CASKIN2: variants seen among roughly 807,000 people sequenced by gnomAD.
CASKIN2 encodes the protein caskin-2.
In CASKIN2, 41 loss-of-function variants were observed where a neutral mutation model predicts 107.1. The ratio of observed to expected loss-of-function variants is 0.38; its 90% CI spans 0.30 to 0.50. CASKIN2 has a LOEUF of 0.50. Ranked by LOEUF, CASKIN2 falls within the 20% of genes least tolerant of loss-of-function variation. CASKIN2 has a pLI of 0.92. For missense variants in CASKIN2, 1,546 were observed against 1,657.4 expected (o/e 0.93, Z 1.17); for synonymous variants, 724 against 705.6 (o/e 1.03, Z -0.41).
In CASKIN2 at chr17:75,505,327, T is replaced by C; in HGVS notation, c.930+230A>G. On this transcript the variant is annotated intron_variant, in intron 10 of 19. Coordinates refer to ENST00000321617, the MANE Select transcript of CASKIN2 (RefSeq NM_020753.5). The surrounding 1 kb of genome is among the most constrained non-coding windows in gnomAD (Gnocchi z 5.1). The stretch of plus-strand genomic sequence containing the variant: ...ACAGCTCCACTACTTGCTAGCTGTG[T>C]GACCTTGGGCAAGTCACTTGAATTT... The C allele has an allele frequency of 1.6e-6, 1 of 626,364 alleles. No homozygotes were observed. Among genetic ancestry groups the C allele is most frequent in the Non-Finnish European group, 2.8e-6 (1 of 358,394 alleles). The allele number at this position is 626,364 out of a possible 1,614,324, so 38.8% of individuals were successfully genotyped here.
In CASKIN2 at chr17:75,502,242, G is replaced by A. The variant is rs2053203528; in HGVS notation, c.2832C>T (p.Gly944=). 2.6e-6 allele frequency: 4 copies of A among 1,566,332 alleles called. No homozygotes were observed. The highest frequency in any genetic ancestry group is 2.3e-5 in the East Asian group (1 of 44,236). ...CAAACGGCAGCCCTTCCCCAGAGCT[G>A]CCCCGAGATGGGGGCGTCCCCTCAG... ...PGPEGTPPSR[G]SSGEGLPFAE... Residue 944 remains glycine, a synonymous_variant, in exon 18 of 20, where the codon GGC becomes GGT. Transcript: ENST00000321617. The surrounding 1 kb of genome is among the most constrained non-coding windows in gnomAD (Gnocchi z 4.3).
In CASKIN2 at chr17:75,506,927, G is replaced by A. The variant is rs1218182613; in HGVS notation, c.391-33C>T. On this transcript the variant is annotated intron_variant, in intron 5 of 19. Coordinates refer to ENST00000321617, the MANE Select transcript of CASKIN2 (RefSeq NM_020753.5). The surrounding 1 kb of genome is among the most constrained non-coding windows in gnomAD (Gnocchi z 4.8). ...TGGGGGAGCCGAGTGAGGGGGCCTGGCCTGTCCGGCACCCCACCCTGCCCT... is the reference window on the plus strand; with the variant it reads ...TGGGGGAGCCGAGTGAGGGGGCCTGACCTGTCCGGCACCCCACCCTGCCCT... 6.2e-7 allele frequency: 1 copy of A among 1,611,842 alleles called. No homozygotes were observed. The highest frequency in any genetic ancestry group is 1.3e-5 in the African/African-American group (1 of 74,878).
rs770131521 is a variant in CASKIN2, at chr17:75,501,815, C to T, written c.3259G>A (p.Ala1087Thr). Reference sequence around the variant, plus strand: ...ACCTTGAGGAGGGCAGCAGGGGCGGCCGGGGGTTCTGTCTCCCCATTCCAC... The same window carrying T: ...ACCTTGAGGAGGGCAGCAGGGGCGGTCGGGGGTTCTGTCTCCCCATTCCAC... The part of the protein sequence containing the change: ...SRWNGETEPP[A>T]APAALLKVPG... Residue 1087 changes from alanine (A) to threonine (T), a missense_variant, in exon 18 of 20, where the codon GCC becomes ACC. Transcript: ENST00000321617. 4 of 1,547,910 alleles carry T rather than the reference C, an allele frequency of 2.6e-6. No individual in the cohort carries two copies. The South Asian group carries it at 3.8e-5, about 15-fold the overall frequency.
At position 75,502,386 on chromosome 17, in the gene CASKIN2, C is replaced by G; in HGVS notation, c.2688G>C (p.Lys896Asn). 6.8e-7 allele frequency: 1 copy of G among 1,479,172 alleles called. No individual in the cohort carries two copies. The highest frequency in any genetic ancestry group is 9.0e-7 in the Non-Finnish European group (1 of 1,116,942). 91.6% of individuals were successfully genotyped at this position (1,479,172 alleles called of 1,614,324 possible). ...PPPLDESPGP[K>N]EGATGPRRRT... ...GCCTTCGGGGCCCTGTGGCCCCTTC[C>G]TTGGGCCCTGGGCTCTCATCTAGTG... The change falls in exon 18 of 20, where the codon AAG becomes AAC. Residue 896 changes from lysine to asparagine, a missense_variant. Lys to Asn is a moderately conservative substitution (Grantham distance 94, BLOSUM62 0). Coordinates refer to ENST00000321617, the MANE Select transcript of CASKIN2 (RefSeq NM_020753.5). This position sits in a 1 kb window ranked among gnomAD's most constrained non-coding sequence, Gnocchi z 4.3.
rs376422585 is a variant in CASKIN2, at chr17:75,503,890, C to T, written c.1540G>A (p.Gly514Ser). Residue 514 changes from glycine to serine, a missense_variant, in exon 15 of 20, where the codon GGC becomes AGC. Physicochemically the swap from Gly to Ser is moderately conservative, Grantham distance 56. Transcript: ENST00000321617. ...CGGCTGATGGTAGGCACATCATAGCCGGCCTGCAGAAAGTGGGCAGTGTAG... is the reference window on the plus strand; with the variant it reads ...CGGCTGATGGTAGGCACATCATAGCTGGCCTGCAGAAAGTGGGCAGTGTAG... The part of the protein sequence containing the change: ...EGYTAHFLQA[G>S]YDVPTISRMT... 10 of 1,612,824 alleles carry T rather than the reference C, an allele frequency of 6.2e-6. No homozygotes were observed. Among genetic ancestry groups the T allele is most frequent in the Admixed American group, 1.7e-5 (1 of 60,010 alleles).
chr17:75,507,288 G>A (rs143097198), intron 4 of CASKIN2, among the ~76,000 whole-genome samples, 159 bp from the exon 5 acceptor site: 135 of 151,188 alleles, frequency 8.9e-4, no homozygotes, highest in Non-Finnish European at 1.7e-3. Flanking sequence ...GGTTCGGCTC[G>A]ACAGGGCTGA....
In CASKIN2 at chr17:75,506,442, A is replaced by C; in HGVS notation, c.618-29T>G. 7.4e-7 allele frequency: 1 copy of C among 1,351,658 alleles called. No individual in the cohort carries two copies. Among genetic ancestry groups the C allele is most frequent in the Non-Finnish European group, 9.9e-7 (1 of 1,010,034 alleles). 83.7% of individuals were successfully genotyped at this position (1,351,658 alleles called of 1,614,324 possible). ...CAGTGGACGGGGGGAGTCACGGGGG[A>C]GGTGGCGTAGGAGGGGGTGCTGACT... On this transcript the variant is annotated intron_variant, in intron 7 of 19. Coordinates refer to ENST00000321617, the MANE Select transcript of CASKIN2 (RefSeq NM_020753.5). The surrounding 1 kb of genome is among the most constrained non-coding windows in gnomAD (Gnocchi z 4.8).
chr17:75,500,481 T>A lies in CASKIN2; in HGVS notation c.*599A>T, dbSNP rs2053159570. ...ATTTCTCTCTGCTTAGAAAATAACATTTACAATTGAAAAGTTAGGACTTGT... is the reference window on the plus strand; with the variant it reads ...ATTTCTCTCTGCTTAGAAAATAACAATTACAATTGAAAAGTTAGGACTTGT... On this transcript the variant is annotated 3_prime_UTR_variant, in exon 20 of 20. Transcript: ENST00000321617. 6.5e-6 allele frequency: 1 copy of A among 153,282 alleles called. No individual in the cohort carries two copies. The allele number at this position is 153,282 out of a possible 1,614,324, so 9.5% of individuals were successfully genotyped here.
At position 75,505,086 on chromosome 17, in the gene CASKIN2, G is replaced by T; in HGVS notation, c.931-13C>A. ...GCTGTTCTAGCACCTGCGGCCAGGG[G>T]TGGGGGGCGGGGACGGTCACTCCCA... On this transcript the variant is annotated splice_polypyrimidine_tract_variant and intron_variant, in intron 10 of 19. Transcript: ENST00000321617. This position sits in a 1 kb window ranked among gnomAD's most constrained non-coding sequence, Gnocchi z 5.1. The T allele has an allele frequency of 7.6e-7, 1 of 1,309,408 alleles. No individual in the cohort carries two copies. 81.1% of individuals were successfully genotyped at this position (1,309,408 alleles called of 1,614,324 possible). A position where few individuals can be genotyped will look rare whatever the true frequency, so the allele number is the denominator to read the frequency against.
rs750180198 is a variant in CASKIN2 at position 75,502,962 on chromosome 17, G to C, written c.2112C>G (p.Arg704=). The change falls in exon 18 of 20, where the codon CGC becomes CGG. Residue 704 remains arginine, a synonymous_variant. Transcript: ENST00000321617. The surrounding 1 kb of genome is among the most constrained non-coding windows in gnomAD (Gnocchi z 4.3). ...CCTGTGAGTGGCCAGACCCCCGTGA[G>C]CGTGCCCCGATGCTCTCCTGGCTGG... ...RSPSQESIGA[R]SRGSGHSQEQ... The C allele has an allele frequency of 1.3e-6, 2 of 1,594,576 alleles. No individual in the cohort carries two copies. Among genetic ancestry groups the C allele is most frequent in the Admixed American group, 3.4e-5 (2 of 58,864 alleles).
In CASKIN2 at chr17:75,502,285, T is replaced by A. The variant is rs2146980589; in HGVS notation, c.2789A>T (p.Glu930Val). The part of the protein sequence containing the change: ...PAPAGPASDT[E>V]EEEPGPEGTP... ...CCCCTCAGGGCCTGGCTCCTCCTCC[T>A]CCGTGTCTGACGCGGGCCCAGCCGG... The change falls in exon 18 of 20, where the codon GAG becomes GTG. Residue 930 changes from glutamate (E) to valine (V), a missense_variant. Physicochemically the swap from Glu to Val is moderately radical, Grantham distance 121. This residue lies in a region of CASKIN2 where 1,311 missense variants were observed against 1,311.0 expected (regional missense o/e 1.00). Coordinates refer to ENST00000321617, the MANE Select transcript of CASKIN2 (RefSeq NM_020753.5). This position sits in a 1 kb window ranked among gnomAD's most constrained non-coding sequence, Gnocchi z 4.3. 6.6e-7 allele frequency: 1 copy of A among 1,511,712 alleles called. No individual in the cohort carries two copies. Among genetic ancestry groups the A allele is most frequent in the East Asian group, 2.3e-5 (1 of 43,256 alleles). 93.6% of individuals were successfully genotyped at this position (1,511,712 alleles called of 1,614,324 possible).
At chr17:75,511,719 T>C (rs1374070322) in intron 2 of CASKIN2, among the ~76,000 whole-genome samples, 1 of 151,994 alleles carries the variant, frequency 6.6e-6, no homozygotes, top group African/African-American at 2.4e-5. Flanking sequence ...CAGGGTGAAT[T>C]CTCCACTTTG....
chr17:75,506,041 A>G lies in CASKIN2; in HGVS notation c.727-112T>C. 1.1e-6 allele frequency: 1 copy of G among 881,676 alleles called. No individual in the cohort carries two copies. Among genetic ancestry groups the G allele is most frequent in the South Asian group, 1.6e-5 (1 of 61,658 alleles). 54.6% of individuals were successfully genotyped at this position (881,676 alleles called of 1,614,324 possible). A position where few individuals can be genotyped will look rare whatever the true frequency, so the allele number is the denominator to read the frequency against. ...TTACCATTTTCCGATTTTACAGATGAGGACATAGAGGCTCAGGGACTCAGT... is the reference window on the plus strand; with the variant it reads ...TTACCATTTTCCGATTTTACAGATGGGGACATAGAGGCTCAGGGACTCAGT... On this transcript the variant is annotated intron_variant, in intron 8 of 19. Transcript: ENST00000321617. The surrounding 1 kb of genome is among the most constrained non-coding windows in gnomAD (Gnocchi z 4.8).
intron 2 of CASKIN2, chr17:75,509,712 C>G: frequency 1.0e-6 from 1 of 985,434 alleles, no homozygotes; most frequent in Non-Finnish European, 1.2e-6. Context: ...GTGACCCTGG[C>G]CTGCCACGGT....
rs2146990283 is a variant in CASKIN2, at chr17:75,506,906, G to A, written c.391-12C>T. 2 of 1,611,436 alleles carry A rather than the reference G, an allele frequency of 1.2e-6. No homozygotes were observed. Among genetic ancestry groups the A allele is most frequent in the Non-Finnish European group, 1.7e-6 (2 of 1,178,766 alleles). On this transcript the variant is annotated splice_polypyrimidine_tract_variant and intron_variant, in intron 5 of 19. Coordinates refer to ENST00000321617, the MANE Select transcript of CASKIN2 (RefSeq NM_020753.5). The surrounding 1 kb of genome is among the most constrained non-coding windows in gnomAD (Gnocchi z 4.8). ...AGGAGCATTTCTGACTGGGGTTGGGGGAGCCGAGTGAGGGGGCCTGGCCTG... is the reference window on the plus strand; with the variant it reads ...AGGAGCATTTCTGACTGGGGTTGGGAGAGCCGAGTGAGGGGGCCTGGCCTG...
rs756845208 is a variant in CASKIN2, at chr17:75,505,813, G to A, written c.835+8C>T. ...CCCCCTGGGCAGGGTATCCTCCCCC[G>A]CACTCACCCCGCAGTAGCTGCTTGA... On this transcript the variant is annotated splice_region_variant and intron_variant, in intron 9 of 19. Transcript: ENST00000321617. This position sits in a 1 kb window ranked among gnomAD's most constrained non-coding sequence, Gnocchi z 5.1. 32 of 1,610,672 alleles carry A rather than the reference G, an allele frequency of 2.0e-5. No homozygotes were observed. The highest frequency in any genetic ancestry group is 1.6e-4 in the East Asian group (7 of 44,802).
intron 3 of CASKIN2, among the ~76,000 whole-genome samples, 170 bp downstream of exon 3, chr17:75,508,064 C>T (rs1389101189): frequency 6.6e-6 from 1 of 152,164 alleles, no homozygotes; most frequent in Non-Finnish European, 1.5e-5. Flanking sequence ...CGGGTGCCCC[C>T]TCCCTCCAGC....
Position 75,504,884 on chromosome 17 carries a change from G to A in CASKIN2, c.1120C>T (p.Pro374Ser). Reference protein sequence around the residue: ...RPGFSRTPQPPAEEPPHPLTY... With the variant: ...RPGFSRTPQPSAEEPPHPLTY... ...AGAGGGTGCGGGGGTTCTTCGGCAG[G>A]AGGCTGCGGTGTCCGGGAGAAGCCT... The change falls in exon 11 of 20, where the codon CCT (proline) becomes TCT (serine). Residue 374 changes from proline to serine, a missense_variant. By Grantham distance (74) the Pro-to-Ser change is moderately conservative. Around this residue, in one of 6 missense-constraint regions of CASKIN2, gnomAD observed 1,311 missense variants for 1,311.0 expected, o/e 1.00. Coordinates refer to ENST00000321617, the MANE Select transcript of CASKIN2 (RefSeq NM_020753.5). 6.2e-7 allele frequency: 1 copy of A among 1,610,944 alleles called. No individual in the cohort carries two copies. The highest frequency in any genetic ancestry group is 8.5e-7 in the Non-Finnish European group (1 of 1,178,962).
Position 75,501,998 on chromosome 17 carries a change from T to A in CASKIN2, c.3076A>T (p.Thr1026Ser), listed in dbSNP as rs1448195025. The A allele has an allele frequency of 1.5e-5, 24 of 1,610,980 alleles. No homozygotes were observed. Among genetic ancestry groups the A allele is most frequent in the Non-Finnish European group, 2.0e-5 (24 of 1,179,060 alleles). The part of the protein sequence containing the change: ...PGPAAPLPSP[T>S]PGESPPASSL... ...GAAGCTGGAGGAGACTCGCCAGGAG[T>A]TGGGGAAGGCAGTGGGGCAGCGGGG... Residue 1026 changes from threonine (T) to serine (S), a missense_variant, in exon 18 of 20, where the codon ACT becomes TCT. Around this residue, in one of 6 missense-constraint regions of CASKIN2, gnomAD observed 1,311 missense variants for 1,311.0 expected, o/e 1.00. Coordinates refer to ENST00000321617, the MANE Select transcript of CASKIN2 (RefSeq NM_020753.5).
Sources: allele counts gnomAD v4.1 joint callset (sites outside exome capture counted in the v4.1 genomes callset), GRCh38; gene constraint gnomAD v4.1.1; regional missense constraint gnomAD v4.1.1; non-coding constraint Gnocchi (gnomAD v3.1); transcripts MANE v1.5; gene names NCBI Gene and HGNC (gene_info 2026-07-23, HGNC 2026-07-21).